PXDN: variants seen among roughly 807,000 people sequenced by gnomAD.
The protein encoded by PXDN is peroxidasin, also known as peroxidasin homolog.
Under a neutral mutation model 140.3 loss-of-function variants are expected in PXDN, and 77 were observed. The ratio of observed to expected loss-of-function variants is 0.55; its 90% CI spans 0.46 to 0.66. The LOEUF (loss-of-function observed/expected upper bound fraction) is 0.66, where lower values mean the gene tolerates loss of function less well. Ranked by LOEUF, PXDN falls within the 30% of genes least tolerant of loss-of-function variation. The pLI is 0.00. For missense variants in PXDN, 1,838 were observed against 2,039.5 expected, an observed-to-expected ratio of 0.90 and a Z score of 1.90; for synonymous variants, 911 against 857.4, an observed-to-expected ratio of 1.06 and a Z score of -1.09.
In PXDN at chr2:1,639,503, A is replaced by C; in HGVS notation, c.3953-81T>G. The C allele has an allele frequency of 1.1e-5, 17 of 1,592,268 alleles. No individual in the cohort carries two copies. The highest frequency in any genetic ancestry group is 1.5e-5 in the Non-Finnish European group (17 of 1,165,402). On this transcript the variant is annotated intron_variant, in intron 19 of 22. Transcript: ENST00000252804. The surrounding 1 kb of genome is among the most constrained non-coding windows in gnomAD (Gnocchi z 5.0). ...ATTAAGCACATCCTGCCAACTATGAAGTCTTCACTGGCTGCCCGTGGAACA... is the reference window on the plus strand; with the variant it reads ...ATTAAGCACATCCTGCCAACTATGACGTCTTCACTGGCTGCCCGTGGAACA...
intron 1 of PXDN, among the ~76,000 whole-genome samples, chr2:1,743,790 G>C (rs1368761938): frequency 6.8e-6 from 1 of 146,644 alleles, no homozygotes; most frequent in East Asian, 2.0e-4. Context: ...CTGGGAGGAC[G>C]GAGGGGGCTG....
chr2:1,673,248 C>G (rs1250595615), intron 9 of PXDN, among the ~76,000 whole-genome samples: 1 of 152,170 alleles, frequency 6.6e-6, no homozygotes, highest in Non-Finnish European at 1.5e-5. Context: ...TTTACATAAT[C>G]CAAGCCCTTA....
intron 3 of PXDN, 58 bp downstream of exon 3, chr2:1,691,869 AT>A: frequency 1.8e-6 from 2 of 1,137,234 alleles, no homozygotes; most frequent in Middle Eastern, 2.4e-4. Flanking sequence ...ATTTAGCTCT[AT>A]TTTTAAGTAA....
chr2:1,668,074 A>T (rs1206720309), intron 9 of PXDN, among the ~76,000 whole-genome samples: 1 of 152,224 alleles, frequency 6.6e-6, no homozygotes, highest in African/African-American at 2.4e-5. Flanking sequence ...ACAGGAACCA[A>T]AACAACACGA....
At chr2:1,689,263 G>T (rs7580177) in intron 3 of PXDN, among the ~76,000 whole-genome samples, 45,140 of 152,092 alleles carry the variant, frequency 0.3, 6,696 homozygotes, top group East Asian at 0.34. Flanking sequence ...GTTCACATGG[G>T]AGTTGTTACT....
At chr2:1,684,243 T>C in intron 4 of PXDN, 92 bp from the exon 5 acceptor site, 1 of 999,008 alleles carries the variant, frequency 1.0e-6, no homozygotes. Flanking sequence ...TCATTTCAAA[T>C]TCAGATATCA....
At chr2:1,717,250 AC>A (rs1408799728) in intron 1 of PXDN, among the ~76,000 whole-genome samples, 1 of 152,218 alleles carries the variant, frequency 6.6e-6, no homozygotes, top group African/African-American at 2.4e-5. Context: ...CCTTCCCCTA[AC>A]AATAGATTAA....
intron 1 of PXDN, 22 bp downstream of exon 1, chr2:1,744,234 C>G (rs986346441): frequency 5.4e-6 from 8 of 1,471,932 alleles, no homozygotes; most frequent in Admixed American, 2.2e-5. Flanking sequence ...CCCGCGCCCC[C>G]GGCGTCCCCC....
intron 3 of PXDN, among the ~76,000 whole-genome samples, chr2:1,689,138 C>T (rs1362979066): frequency 2.0e-5 from 3 of 152,198 alleles, no homozygotes; most frequent in African/African-American, 7.2e-5. Context: ...TGAACTTCCA[C>T]GTAATGACTG....
chr2:1,716,408 A>C (rs939829442), intron 1 of PXDN, among the ~76,000 whole-genome samples: 1 of 136,080 alleles, frequency 7.3e-6, no homozygotes, highest in Non-Finnish European at 1.5e-5. Context: ...ACTGCACTCC[A>C]GCCTGGGCAA....
chr2:1,676,901 G>T (rs994036863), intron 8 of PXDN, 26 bp downstream of exon 8: 13 of 1,585,264 alleles, frequency 8.2e-6, no homozygotes, highest in Non-Finnish European at 1.1e-5. Context: ...GATGCACAGG[G>T]GCATTTCTGT....
chr2:1,652,059 T>C (rs1007374349), intron 16 of PXDN, among the ~76,000 whole-genome samples: 2 of 152,098 alleles, frequency 1.3e-5, no homozygotes, highest in Non-Finnish European at 2.9e-5. Flanking sequence ...GTTGGGGTGA[T>C]TTTACTCTTT....
chr2:1,744,592 C>T (rs1354033428), upstream of PXDN: 3 of 715,908 alleles, frequency 4.2e-6, no homozygotes, highest in Non-Finnish European at 3.8e-6. Flanking sequence ...CGCGAGGCTC[C>T]TCCCGGCCCC....
rs1160729355 is a variant in PXDN, at chr2:1,634,202, G to A, written c.*2C>T. 5 of 1,572,102 alleles carry A rather than the reference G, an allele frequency of 3.2e-6. No homozygotes were observed. Among genetic ancestry groups the A allele is most frequent in the Non-Finnish European group, 4.3e-6 (5 of 1,158,204 alleles). ...ACAAACTCTGAGGAGCCTCCCAGGA[G>A]CCTAGGGCTTTTCCTCCGCCCTCTT... On this transcript the variant is annotated 3_prime_UTR_variant, in exon 23 of 23. Coordinates refer to ENST00000252804, the MANE Select transcript of PXDN (RefSeq NM_012293.3).
intron 10 of PXDN, 39 bp downstream of exon 10, chr2:1,666,175 G>A (rs1683434158): frequency 6.2e-7 from 1 of 1,606,750 alleles, no homozygotes; most frequent in Non-Finnish European, 8.5e-7. Context: ...GTGAGGATGG[G>A]GCTGAGCCCT....
chr2:1,691,871 T>C, intron 3 of PXDN, 57 bp downstream of exon 3: 2 of 1,155,256 alleles, frequency 1.7e-6, no homozygotes, highest in Non-Finnish European at 2.4e-6. Flanking sequence ...TTAGCTCTAT[T>C]TTTAAGTAAT....
At chr2:1,662,289 G>A in intron 12 of PXDN, 105 bp from the exon 13 acceptor site, 3 of 956,610 alleles carry the variant, frequency 3.1e-6, no homozygotes, top group Non-Finnish European at 4.9e-6. Flanking sequence ...AGGGATGCTG[G>A]GAGCTCACAG....
chr2:1,675,806 AAACAATGACT>A (rs1683691555), intron 8 of PXDN, among the ~76,000 whole-genome samples: 1 of 100,288 alleles, frequency 1.0e-5, no homozygotes, highest in African/African-American at 7.0e-5. Context: ...CCCGAGTATC[AAACAATGACT>A]CAGTTTGAGC....
intron 9 of PXDN, 45 bp downstream of exon 9, chr2:1,673,598 C>T (rs773555069): frequency 1.6e-5 from 26 of 1,575,788 alleles, no homozygotes; most frequent in South Asian, 9.3e-5. Context: ...TAGTGAGGGA[C>T]GACAATTCTG....
Sources: gnomAD v4.1 joint callset for allele counts (sites outside exome capture counted in the v4.1 genomes callset) on GRCh38, gnomAD v4.1.1 for gene constraint, Gnocchi (gnomAD v3.1) non-coding constraint, MANE v1.5 for transcripts, NCBI Gene and HGNC (gene_info 2026-07-23, HGNC 2026-07-21) for gene names.